The following IFT140 variants were observed in gnomAD, a reference collection of about 807,000 sequenced individuals.
IFT140 encodes intraflagellar transport 140.
A neutral mutation model predicts 164.6 loss-of-function variants in IFT140; 133 were observed. The ratio of observed to expected loss-of-function variants is 0.81; its 90% confidence interval spans 0.70 to 0.93. The LOEUF is 0.93. Ranked by LOEUF, IFT140 falls within the 40% of genes least tolerant of loss-of-function variation. The pLI is 0.00. For synonymous variants in IFT140, 860 were observed against 817.3 expected (o/e 1.05, Z -0.89); for missense variants, 2,045 against 1,972.3 (o/e 1.04, Z -0.70).
chr16:1,525,994 C>T lies in IFT140; in HGVS notation c.2661G>A (p.Glu887=), dbSNP rs1287846996. 1.6e-5 allele frequency: 26 copies of T among 1,598,408 alleles called. No homozygotes were observed. The highest frequency in any genetic ancestry group is 2.2e-5 in the Non-Finnish European group (26 of 1,173,308). The part of the protein sequence containing the change: ...KFYQAAGRWQ[E]ALQVAEHHDR... ...CGTGGTGCTCGGCTACCTGGAGGGC[C>T]TCCTGCCACCGGCCCGCAGCCTGGT... is the stretch of plus-strand genomic sequence containing the variant. The change falls in exon 21 of 31, where the codon GAG becomes GAA. Residue 887 remains glutamate, a synonymous_variant. Transcript: ENST00000426508.
At chr16:1,537,104 C>T (rs892038764) in intron 19 of IFT140, among the ~76,000 whole-genome samples, 1 of 152,246 alleles carries the variant, frequency 6.6e-6, no homozygotes, top group Non-Finnish European at 1.5e-5. Flanking sequence ...TGATGGGCTG[C>T]GACCGTCTGT....
At chr16:1,538,189 G>A (rs1427986333) in intron 19 of IFT140, among the ~76,000 whole-genome samples, 2 of 152,206 alleles carry the variant, frequency 1.3e-5, no homozygotes. Flanking sequence ...CGGTGGGTCT[G>A]TGGGTGCCCT....
intron 19 of IFT140, among the ~76,000 whole-genome samples, chr16:1,549,097 G>C (rs1160066642): frequency 6.6e-6 from 1 of 152,200 alleles, no homozygotes; most frequent in Non-Finnish European, 1.5e-5. Flanking sequence ...CTAGGGCCGC[G>C]CAGGTTCATG....
At chr16:1,588,096 A>T in intron 7 of IFT140, 72 bp from the exon 8 acceptor site, 1 of 1,276,192 alleles carries the variant, frequency 7.8e-7, no homozygotes, top group Admixed American at 2.0e-5. Flanking sequence ...AGGAGCCTGG[A>T]GTCTCTGGTC....
At chr16:1,601,287 A>T (rs2035787189) in intron 4 of IFT140, among the ~76,000 whole-genome samples, 1 of 151,652 alleles carries the variant, frequency 6.6e-6, no homozygotes, top group African/African-American at 2.4e-5. Flanking sequence ...AAAGAGAGAG[A>T]CTAGAGAGAA....
rs947378080 is a variant in IFT140 at position 1,612,026 on chromosome 16, C to T, written c.-280G>A. On this transcript the variant is annotated 5_prime_UTR_variant, in exon 1 of 31. Transcript: ENST00000426508. The stretch of plus-strand genomic sequence containing the variant: ...CAGGTTCGCGCCCGATTCCACACTC[C>T]GAGCTACCACGCCGTTTTCTTCTCA... 2.6e-5 allele frequency: 4 copies of T among 152,236 alleles called. No homozygotes were observed. The highest frequency in any genetic ancestry group is 6.5e-5 in the Admixed American group (1 of 15,286). 9.4% of individuals were successfully genotyped at this position (152,236 alleles called of 1,614,324 possible). A position where few individuals can be genotyped will look rare whatever the true frequency, so the allele number is the denominator to read the frequency against.
In IFT140 at chr16:1,594,973, C is replaced by T. The variant is rs578050852; in HGVS notation, c.370-2385G>A. ...TTATTGTACACAGGAAGAGTATTTT[C>T]AAATAATGTCAGATTTAAAGGAAAC... On this transcript the variant is annotated intron_variant, in intron 4 of 30. Transcript: ENST00000426508. Among the ~76,000 whole-genome samples, 501 of 152,336 alleles carry T rather than the reference C, an allele frequency of 3.3e-3. 3 individuals carry two copies. The highest frequency in any genetic ancestry group is 0.011 in the African/African-American group (468 of 41,576).
At position 1,520,333 on chromosome 16, in the gene IFT140, G is replaced by C. The variant is rs369161842; in HGVS notation, c.3671C>G (p.Ala1224Gly). The change falls in exon 28 of 31, where the codon GCG (alanine) becomes GGG (glycine). Residue 1224 changes from alanine to glycine, a missense_variant. Physicochemically the swap from Ala to Gly is moderately conservative, Grantham distance 60. Coordinates refer to ENST00000426508, the MANE Select transcript of IFT140 (RefSeq NM_014714.4). ...CTCCGTGTCTCCGGATTTGAGCAGCGCCCTCATGGCCTAGGCAGAGAGACA... is the reference window on the plus strand; with the variant it reads ...CTCCGTGTCTCCGGATTTGAGCAGCCCCCTCATGGCCTAGGCAGAGAGACA... ...QAGNKLKAMR[A>G]LLKSGDTEKI... 1.9e-6 allele frequency: 3 copies of C among 1,613,906 alleles called. No homozygotes were observed. Among genetic ancestry groups the C allele is most frequent in the Non-Finnish European group, 2.5e-6 (3 of 1,180,044 alleles).
At chr16:1,592,036 T>C in intron 6 of IFT140, 140 bp downstream of exon 6, 1 of 912,254 alleles carries the variant, frequency 1.1e-6, no homozygotes, top group Non-Finnish European at 1.7e-6. Flanking sequence ...GCACTCCGCC[T>C]GGCACACGTC....
intron 19 of IFT140, chr16:1,554,886 C>A: frequency 6.2e-7 from 1 of 1,614,274 alleles, no homozygotes; most frequent in Non-Finnish European, 8.5e-7. Context: ...TCTGGCCACG[C>A]TGGCGGCAGC....
At chr16:1,557,668 T>C in intron 19 of IFT140, 1 of 478,388 alleles carries the variant, frequency 2.1e-6, no homozygotes, top group Non-Finnish European at 3.8e-6. Flanking sequence ...GGATGGGTAT[T>C]ATAGATGTTT....
chr16:1,598,510 A>G (rs2035579120), intron 4 of IFT140, among the ~76,000 whole-genome samples: 1 of 152,240 alleles, frequency 6.6e-6, no homozygotes, highest in African/African-American at 2.4e-5. Flanking sequence ...CATCCTTGAT[A>G]GCAAGAGAAA....
intron 12 of IFT140, among the ~76,000 whole-genome samples, chr16:1,581,791 G>T (rs2034582509): frequency 9.6e-6 from 1 of 104,488 alleles, no homozygotes; most frequent in Non-Finnish European, 2.0e-5. Flanking sequence ...GAGGGGAGGG[G>T]AGGGGAGTGG....
chr16:1,543,094 C>A (rs561589198), intron 19 of IFT140, among the ~76,000 whole-genome samples: 1 of 152,250 alleles, frequency 6.6e-6, no homozygotes, highest in South Asian at 2.1e-4. Context: ...CTGCTGCTCA[C>A]TGGGACAGGT....
At chr16:1,541,036 A>G in intron 19 of IFT140, 3 of 985,414 alleles carry the variant, frequency 3.0e-6, no homozygotes, top group Non-Finnish European at 3.6e-6. Context: ...TCTGCTACAG[A>G]AACGTGACGA....
At position 1,558,039 on chromosome 16, in the gene IFT140, C is replaced by T. The variant is rs569453044; in HGVS notation, c.2295G>A (p.Leu765=). The change falls in exon 19 of 31, where the codon CTG becomes CTA. Residue 765 remains leucine (L), a synonymous_variant. Transcript: ENST00000426508. ...SRRPLRDFVG[L]EDCDKATRDA... ...CCCGGGTGGCCTTGTCGCAGTCCTC[C>T]AGCCCCACAAAGTCTCGCAGGGGTC... 6.2e-7 allele frequency: 1 copy of T among 1,614,042 alleles called. No homozygotes were observed. The highest frequency in any genetic ancestry group is 1.3e-5 in the African/African-American group (1 of 75,042).
At chr16:1,604,090 T>C (rs1416391039) in intron 3 of IFT140, among the ~76,000 whole-genome samples, 1 of 152,238 alleles carries the variant, frequency 6.6e-6, no homozygotes, top group Non-Finnish European at 1.5e-5. Flanking sequence ...AATATCCCAT[T>C]TACCATATAT....
Position 1,561,989 on chromosome 16 carries a change from C to T in IFT140, c.2195G>A (p.Arg732Lys). The T allele has an allele frequency of 6.3e-7, 1 of 1,599,778 alleles. No individual in the cohort carries two copies. The highest frequency in any genetic ancestry group is 8.5e-7 in the Non-Finnish European group (1 of 1,174,128). ...GCGGATGTCGTGGCTTCGTACCTTT[C>T]TTGTGAAGTAGTAATAAGGCACTTC... ...GMEVPYYYFTRKPEEADREDE... is the reference protein window; with the variant it reads ...GMEVPYYYFTKKPEEADREDE... Residue 732 changes from arginine to lysine, a missense_variant, in exon 18 of 31, where the codon AGA becomes AAA. Arg to Lys is a conservative substitution (Grantham distance 26). Transcript: ENST00000426508.
At chr16:1,608,035 A>G (rs2036161926) in intron 2 of IFT140, among the ~76,000 whole-genome samples, 1 of 152,254 alleles carries the variant, frequency 6.6e-6, no homozygotes, top group Non-Finnish European at 1.5e-5. Flanking sequence ...CCAATAAAGC[A>G]TAAAATCAAA....
Sources: gnomAD v4.1 joint callset for allele counts (sites outside exome capture counted in the v4.1 genomes callset) on GRCh38, gnomAD v4.1.1 for gene constraint, MANE v1.5 for transcripts, NCBI Gene and HGNC (gene_info 2026-07-23, HGNC 2026-07-21) for gene names.